The following VEGFA variants were observed in gnomAD, a reference collection of about 807,000 sequenced individuals.
VEGFA encodes the protein vascular endothelial growth factor A, long form.
A neutral mutation model predicts 49.7 loss-of-function variants in VEGFA; 20 were observed. The observed-to-expected ratio is 0.40, with a 90% CI of 0.28 to 0.58. VEGFA has a LOEUF of 0.58. Ranked by LOEUF, VEGFA falls within the 20% of genes least tolerant of loss-of-function variation. The pLI is 0.40. For missense variants in VEGFA, 505 were observed against 553.5 expected, an observed-to-expected ratio of 0.91 and a Z score of 0.88; for synonymous variants, 219 against 223.4, an observed-to-expected ratio of 0.98 and a Z score of 0.18.
intron 1 of VEGFA, chr6:43,774,022 A>T (rs763596811): frequency 8.1e-5 from 38 of 469,368 alleles, no homozygotes; most frequent in Non-Finnish European, 1.3e-4. Context: ...GAGAGCAGGG[A>T]GAGGGAAGTG....
Position 43,786,159 on chromosome 6 carries a change from ATGTT to A in VEGFA, c.*1599_*1602del. The A allele has an allele frequency of 5.7e-6, 1 of 176,900 alleles. No homozygotes were observed. The highest frequency in any genetic ancestry group is 2.4e-5 in the African/African-American group (1 of 42,318). The allele number at this position is 176,900 out of a possible 1,614,324, so 11.0% of individuals were successfully genotyped here. A position where few individuals can be genotyped will look rare whatever the true frequency, so the allele number is the denominator to read the frequency against. On this transcript the variant is annotated 3_prime_UTR_variant, in exon 8 of 8. Coordinates refer to ENST00000672860, the MANE Select transcript of VEGFA (RefSeq NM_003376.6). Reference sequence around the variant, plus strand: ...TATTTGTGTGTATATATATATATATATGTTTATGTATATATGTGATTCTGATAAA... The same window carrying A: ...TATTTGTGTGTATATATATATATATATATGTATATATGTGATTCTGATAAA...
Position 43,778,891 on chromosome 6 carries a change from C to G in VEGFA, c.935C>G (p.Pro312Arg). 1.2e-6 allele frequency: 2 copies of G among 1,614,120 alleles called. No individual in the cohort carries two copies. Among genetic ancestry groups the G allele is most frequent in the Non-Finnish European group, 1.7e-6 (2 of 1,180,030 alleles). ...TTCTCTCTCCCTACCCATTGCAGAC[C>G]AAAGAAAGATAGAGCAAGACAAGAA... The change falls in exon 5 of 8, where the codon CCA (proline) becomes CGA (arginine). Residue 312 changes from proline (P) to arginine (R), a missense_variant and splice_region_variant. Around this residue, in one of 2 missense-constraint regions of VEGFA, gnomAD observed 165 missense variants for 231.7 expected, o/e 0.71. Coordinates refer to ENST00000672860, the MANE Select transcript of VEGFA (RefSeq NM_003376.6).
At chr6:43,771,498 A>AGGG (rs1191692420) in intron 1 of VEGFA, among the ~76,000 whole-genome samples, 186 bp downstream of exon 1, 1 of 151,638 alleles carries the variant, frequency 6.6e-6, no homozygotes, top group Non-Finnish European at 1.5e-5. Flanking sequence ...GTGGGAGGGT[A>AGGG]CCCGGAGAGA....
At chr6:43,778,572 G>A in intron 4 of VEGFA, 36 bp downstream of exon 4, 2 of 1,599,216 alleles carry the variant, frequency 1.3e-6, no homozygotes, top group South Asian at 1.1e-5. Context: ...ATCAGCAAGT[G>A]GCTGCAGGGT....
rs147790628 is a variant in VEGFA at position 43,777,116 on chromosome 6, A to G, written c.659-353A>G. The stretch of plus-strand genomic sequence containing the variant: ...CTCTTCCTCCTTTTAGGGAAAGCTT[A>G]GAGCATCCCCATGGGGTATACCCAT... On this transcript the variant is annotated intron_variant, in intron 2 of 7. Transcript: ENST00000672860. This position sits in a 1 kb window ranked among gnomAD's most constrained non-coding sequence, Gnocchi z 4.3. 1.4e-4 allele frequency: 52 copies of G among 380,686 alleles called. No individual in the cohort carries two copies. The highest frequency in any genetic ancestry group is 1.8e-3 in the Middle Eastern group (2 of 1,132). 23.6% of individuals were successfully genotyped at this position (380,686 alleles called of 1,614,324 possible). A position where few individuals can be genotyped will look rare whatever the true frequency, so the allele number is the denominator to read the frequency against.
chr6:43,779,245 A>G, intron 5 of VEGFA: 1 of 501,644 alleles, frequency 2.0e-6, no homozygotes, highest in South Asian at 2.2e-5. Flanking sequence ...GCTCTAGGAC[A>G]CCCACAGTGG....
Position 43,770,993 on chromosome 6 carries a change from A to G in VEGFA, c.287A>G (p.Glu96Gly), listed in dbSNP as rs2127996355. The stretch of plus-strand genomic sequence containing the variant: ...GAGGAGCCGCAGCCGGAGGAGGGGG[A>G]GGAGGAAGAAGAGAAGGAAGAGGAG... Residue 96 changes from glutamate (E) to glycine (G), a missense_variant, in exon 1 of 8, where the codon GAG becomes GGG. By Grantham distance (98) the Glu-to-Gly change is moderately conservative (BLOSUM62 -2). This residue lies in a region of VEGFA where 340 missense variants were observed against 321.8 expected (regional missense o/e 1.06). Transcript: ENST00000672860. 1.9e-6 allele frequency: 3 copies of G among 1,539,914 alleles called. No homozygotes were observed. The highest frequency in any genetic ancestry group is 1.4e-5 in the African/African-American group (1 of 71,558).
intron 7 of VEGFA, chr6:43,784,339 C>T (rs1328551448): frequency 1.6e-5 from 10 of 643,358 alleles, no homozygotes; most frequent in Middle Eastern, 4.1e-4. Flanking sequence ...CTGCTCAGGC[C>T]GGGGCTCCCT....
chr6:43,780,568 C>T (rs913402888), intron 5 of VEGFA, 164 bp from the exon 6 acceptor site: 57 of 935,304 alleles, frequency 6.1e-5, no homozygotes, highest in Middle Eastern at 6.4e-4. Context: ...TGTGTGCGCC[C>T]GCGCATGCCT....
At position 43,770,948 on chromosome 6, in the gene VEGFA, G is replaced by A; in HGVS notation, c.242G>A (p.Arg81Lys). The change falls in exon 1 of 8, where the codon AGA becomes AAA. Residue 81 changes from arginine (R) to lysine (K), a missense_variant. By Grantham distance (26) the Arg-to-Lys change is conservative (BLOSUM62 2). Coordinates refer to ENST00000672860, the MANE Select transcript of VEGFA (RefSeq NM_003376.6). ...GAAGCCGAGCCGAGCGGAGCCGCGA[G>A]AAGTGCTAGCTCGGGCCGGGAGGAG... is the stretch of plus-strand genomic sequence containing the variant. The A allele has an allele frequency of 6.5e-7, 1 of 1,545,050 alleles. No individual in the cohort carries two copies. The highest frequency in any genetic ancestry group is 8.7e-7 in the Non-Finnish European group (1 of 1,145,576).
intron 5 of VEGFA, 131 bp downstream of exon 5, chr6:43,779,049 G>A (rs541686780): frequency 8.1e-7 from 1 of 1,232,046 alleles, no homozygotes; most frequent in East Asian, 2.3e-5. Context: ...GGGGACTTGT[G>A]GTGGCAGCAA....
chr6:43,784,792 C>T lies in VEGFA; in HGVS notation c.*230C>T, dbSNP rs1769177980. On this transcript the variant is annotated 3_prime_UTR_variant, in exon 8 of 8. Coordinates refer to ENST00000672860, the MANE Select transcript of VEGFA (RefSeq NM_003376.6). ...GGCGGAAGCATTCCCGGGCGGGTGA[C>T]CCAGCACGGTCCCTCTTGGAATTGG... is the stretch of plus-strand genomic sequence containing the variant. 1.4e-6 allele frequency: 1 copy of T among 722,592 alleles called. No homozygotes were observed. The highest frequency in any genetic ancestry group is 2.5e-6 in the Non-Finnish European group (1 of 403,202). 44.8% of individuals were successfully genotyped at this position (722,592 alleles called of 1,614,324 possible). A position where few individuals can be genotyped will look rare whatever the true frequency, so the allele number is the denominator to read the frequency against.
In VEGFA at chr6:43,773,350, T is replaced by G. The variant is rs1764222538; in HGVS notation, c.607-991T>G. The stretch of plus-strand genomic sequence containing the variant: ...GGGCGGGAGGGGAGTTGGTGAGAGC[T>G]GGAGACCCCCAGGAAGGGCTGGCAG... On this transcript the variant is annotated intron_variant, in intron 1 of 7. Coordinates refer to ENST00000672860, the MANE Select transcript of VEGFA (RefSeq NM_003376.6). The surrounding 1 kb of genome is among the most constrained non-coding windows in gnomAD (Gnocchi z 5.6). 1.2e-4 allele frequency: 18 copies of G among 152,274 alleles called. No homozygotes were observed. Among genetic ancestry groups the G allele is most frequent in the Admixed American group, 9.8e-4 (15 of 15,280 alleles). 9.4% of individuals were successfully genotyped at this position (152,274 alleles called of 1,614,324 possible). A position where few individuals can be genotyped will look rare whatever the true frequency, so the allele number is the denominator to read the frequency against.
At chr6:43,772,942 C>T (rs567981961) in intron 1 of VEGFA, among the ~76,000 whole-genome samples, 117 of 152,282 alleles carry the variant, frequency 7.7e-4, no homozygotes, top group African/African-American at 2.7e-3. Flanking sequence ...CTCCTGTGCT[C>T]CCTGGCCTTG....
chr6:43,770,824 G>A lies in VEGFA; in HGVS notation c.118G>A (p.Gly40Ser). The A allele has an allele frequency of 6.6e-7, 1 of 1,515,308 alleles. No homozygotes were observed. The highest frequency in any genetic ancestry group is 8.8e-7 in the Non-Finnish European group (1 of 1,133,766). 93.9% of individuals were successfully genotyped at this position (1,515,308 alleles called of 1,614,324 possible). A position where few individuals can be genotyped will look rare whatever the true frequency, so the allele number is the denominator to read the frequency against. Residue 40 changes from glycine to serine, a missense_variant, in exon 1 of 8, where the codon GGC becomes AGC. Gly to Ser is a moderately conservative substitution (Grantham distance 56). This residue lies in a region of VEGFA where 340 missense variants were observed against 321.8 expected (regional missense o/e 1.06). Coordinates refer to ENST00000672860, the MANE Select transcript of VEGFA (RefSeq NM_003376.6). ...GCAGGGGCCGGAGCCCGCGCCCGGA[G>A]GCGGGGTGGAGGGGGTCGGGGCTCG...
chr6:43,774,474 T>C (rs1764646725), intron 2 of VEGFA, 82 bp downstream of exon 2: 1 of 1,514,470 alleles, frequency 6.6e-7, no homozygotes, highest in Non-Finnish European at 9.2e-7. Flanking sequence ...TCTTCAGAAC[T>C]GTGGGGAGGA....
intron 4 of VEGFA, 79 bp from the exon 5 acceptor site, chr6:43,778,810 T>C (rs1055133006): frequency 6.7e-7 from 1 of 1,482,858 alleles, no homozygotes; most frequent in African/African-American, 1.4e-5. Context: ...GTGATTATTA[T>C]TGTTGTTATC....
chr6:43,774,762 A>G (rs138983825), intron 2 of VEGFA: 5 of 397,894 alleles, frequency 1.3e-5, no homozygotes, highest in African/African-American at 6.1e-5. Context: ...CATTTCCTAT[A>G]TAGACATGTC....
At position 43,784,691 on chromosome 6, in the gene VEGFA, T is replaced by G. The variant is rs931623857; in HGVS notation, c.*129T>G. ...CACACCATCACCATCGACAGAACAG[T>G]CCTTAATCCAGAAACCTGAAATGAA... On this transcript the variant is annotated 3_prime_UTR_variant, in exon 8 of 8. Transcript: ENST00000672860. 1 of 1,539,728 alleles carries G rather than the reference T, an allele frequency of 6.5e-7. No homozygotes were observed. Among genetic ancestry groups the G allele is most frequent in the African/African-American group, 1.4e-5 (1 of 73,308 alleles).
Sources: gnomAD v4.1 joint callset for allele counts (sites outside exome capture counted in the v4.1 genomes callset) on GRCh38, gnomAD v4.1.1 for gene constraint, gnomAD v4.1.1 regional missense constraint, Gnocchi (gnomAD v3.1) non-coding constraint, MANE v1.5 for transcripts, NCBI Gene and HGNC (gene_info 2026-07-23, HGNC 2026-07-21) for gene names.